CRPPA: variants seen among roughly 807,000 people sequenced by gnomAD.
The protein encoded by CRPPA is D-ribitol-5-phosphate cytidylyltransferase.
CRPPA carries 43 observed loss-of-function variants against 52.0 expected under a neutral mutation model. The ratio of observed to expected loss-of-function variants is 0.83; its 90% CI spans 0.65 to 1.07. The LOEUF is 1.07. CRPPA is among the 50% of genes least tolerant of loss of function. The pLI is 0.00. For missense variants in CRPPA, 629 were observed against 551.7 expected (o/e 1.14, Z -1.40); for synonymous variants, 250 against 203.5 (o/e 1.23, Z -1.94).
intron 9 of CRPPA, among the ~76,000 whole-genome samples, chr7:16,168,363 A>C (rs998670727): frequency 2.6e-5 from 4 of 152,154 alleles, no homozygotes; most frequent in African/African-American, 9.7e-5. Flanking sequence ...CATATCTGGA[A>C]TCCTTTATAC....
intron 8 of CRPPA, among the ~76,000 whole-genome samples, chr7:16,246,299 T>C (rs980945687): frequency 3.9e-5 from 6 of 152,182 alleles, no homozygotes; most frequent in African/African-American, 1.4e-4. Flanking sequence ...CTAAGTTTTA[T>C]GAAATTGCAG....
chr7:16,322,768 T>G (rs66924562), intron 3 of CRPPA, among the ~76,000 whole-genome samples: 1 of 152,138 alleles, frequency 6.6e-6, no homozygotes, highest in East Asian at 1.9e-4. Context: ...ATTGGGTATA[T>G]AGTGAACAGT....
Position 16,089,067 on chromosome 7 carries a change from G to A in CRPPA, c.*2628C>T, listed in dbSNP as rs190047806. 8 of 224,746 alleles carry A rather than the reference G, an allele frequency of 3.6e-5. No homozygotes were observed. The highest frequency in any genetic ancestry group is 1.5e-4 in the African/African-American group (7 of 45,778). 13.9% of individuals were successfully genotyped at this position (224,746 alleles called of 1,614,324 possible). A position where few individuals can be genotyped will look rare whatever the true frequency, so the allele number is the denominator to read the frequency against. On this transcript the variant is annotated 3_prime_UTR_variant, in exon 10 of 10. Transcript: ENST00000407010. Reference sequence around the variant, plus strand: ...TATTCAGTCACATGATTTTGGCAAGGTAACTAAGATCCCTGAGCTCCAATT... The same window carrying A: ...TATTCAGTCACATGATTTTGGCAAGATAACTAAGATCCCTGAGCTCCAATT...
intron 3 of CRPPA, among the ~76,000 whole-genome samples, chr7:16,310,295 AAGGACACTTATCAG>A: frequency 6.6e-6 from 1 of 152,202 alleles, no homozygotes. Flanking sequence ...CAAAAGCCCT[AAGGACACTTATCAG>A]AGATCCCCCA....
chr7:16,204,384 A>G (rs984037567), intron 9 of CRPPA, among the ~76,000 whole-genome samples: 1 of 152,158 alleles, frequency 6.6e-6, no homozygotes, highest in African/African-American at 2.4e-5. Flanking sequence ...CAGACACTCA[A>G]ATACCAAGTT....
intron 3 of CRPPA, among the ~76,000 whole-genome samples, chr7:16,323,558 C>G (rs1785309692): frequency 6.6e-6 from 1 of 152,184 alleles, no homozygotes; most frequent in African/African-American, 2.4e-5. Context: ...CCTGCCAAGT[C>G]CGTTTATTGC....
chr7:16,419,313 A>C (rs147980667), intron 1 of CRPPA, among the ~76,000 whole-genome samples: 138 of 152,296 alleles, frequency 9.1e-4, no homozygotes, highest in African/African-American at 3.1e-3. Flanking sequence ...AGGACAGTGA[A>C]AGATCAGTCC....
At chr7:16,286,357 G>A (rs1451513344) in intron 5 of CRPPA, among the ~76,000 whole-genome samples, 1 of 151,504 alleles carries the variant, frequency 6.6e-6, no homozygotes, top group Non-Finnish European at 1.5e-5. Flanking sequence ...TCAGATTTTG[G>A]ACTTACCAGC....
At chr7:16,394,874 C>A (rs1005004399) in intron 2 of CRPPA, among the ~76,000 whole-genome samples, 5 of 152,186 alleles carry the variant, frequency 3.3e-5, no homozygotes, top group African/African-American at 1.2e-4. Context: ...GACTCCATCC[C>A]TTGCCTTGCC....
chr7:16,254,735 A>AAGAAAGACAGACACAC (rs1783568002), intron 8 of CRPPA, among the ~76,000 whole-genome samples: 1 of 148,118 alleles, frequency 6.8e-6, no homozygotes, highest in African/African-American at 2.5e-5. Context: ...CTTAAAGTAT[A>AAGAAAGACAGACACAC]AGAAAGAAAG....
intron 8 of CRPPA, among the ~76,000 whole-genome samples, chr7:16,225,352 C>T (rs968157119): frequency 6.6e-6 from 1 of 151,952 alleles, no homozygotes; most frequent in Non-Finnish European, 1.5e-5. Context: ...CATACTTTAA[C>T]ACTGTTGTAT....
At chr7:16,322,887 G>T (rs1785292741) in intron 3 of CRPPA, among the ~76,000 whole-genome samples, 1 of 152,130 alleles carries the variant, frequency 6.6e-6, no homozygotes, top group African/African-American at 2.4e-5. Context: ...GAGGCCTCAG[G>T]AAACTTACAA....
At chr7:16,246,006 C>A (rs1029792179) in intron 8 of CRPPA, among the ~76,000 whole-genome samples, 4 of 151,894 alleles carry the variant, frequency 2.6e-5, no homozygotes, top group Admixed American at 6.6e-5. Flanking sequence ...TAAAATAAGA[C>A]AACAACATAG....
chr7:16,276,538 T>C (rs529019965), intron 6 of CRPPA: 1 of 152,316 alleles, frequency 6.6e-6, no homozygotes, highest in East Asian at 1.9e-4. Context: ...TGAATTAAGA[T>C]TGCTTTTAAT....
intron 9 of CRPPA, among the ~76,000 whole-genome samples, chr7:16,192,982 G>T (rs576333431): frequency 6.6e-6 from 1 of 152,102 alleles, no homozygotes; most frequent in South Asian, 2.1e-4. Flanking sequence ...AAATCAGTTG[G>T]TATGAGTCAC....
rs187998164 is a variant in CRPPA, at chr7:16,089,545, G to C, written c.*2150C>G. On this transcript the variant is annotated 3_prime_UTR_variant, in exon 10 of 10. Coordinates refer to ENST00000407010, the MANE Select transcript of CRPPA (RefSeq NM_001101426.4). ...TATATGTACGTACATACATATATAT[G>C]TATATACATGTAAGTATATACATAT... The C allele has an allele frequency of 8.4e-6, 2 of 237,448 alleles. No homozygotes were observed. Among genetic ancestry groups the C allele is most frequent in the East Asian group, 1.7e-4 (2 of 11,774 alleles). 14.7% of individuals were successfully genotyped at this position (237,448 alleles called of 1,614,324 possible).
At position 16,401,471 on chromosome 7, in the gene CRPPA, A is replaced by G. The variant is rs139158306; in HGVS notation, c.534+4590T>C. 4.7e-4 allele frequency among the ~76,000 whole-genome samples: 71 copies of G among 152,358 alleles called. No homozygotes were observed. The East Asian group carries it at 0.012, about 26-fold the overall frequency. On this transcript the variant is annotated intron_variant, in intron 2 of 9. Coordinates refer to ENST00000407010, the MANE Select transcript of CRPPA (RefSeq NM_001101426.4). ...TAAGAAGTTGATCACCAACAAGAGC[A>G]TAAAATGACTAGAGGTGCTGGAGTA...
intron 3 of CRPPA, among the ~76,000 whole-genome samples, chr7:16,332,192 G>C (rs1347482366): frequency 6.6e-6 from 1 of 152,106 alleles, no homozygotes; most frequent in Non-Finnish European, 1.5e-5. Flanking sequence ...TACCTACCTA[G>C]AATTCTATCT....
intron 9 of CRPPA, among the ~76,000 whole-genome samples, chr7:16,095,573 G>C (rs1781920320): frequency 1.3e-5 from 2 of 152,116 alleles, no homozygotes; most frequent in South Asian, 2.1e-4. Flanking sequence ...ACTTATGTGA[G>C]AATATTTTTT....
Sources: gnomAD v4.1 joint callset for allele counts (sites outside exome capture counted in the v4.1 genomes callset) on GRCh38, gnomAD v4.1.1 for gene constraint, MANE v1.5 for transcripts, NCBI Gene and HGNC (gene_info 2026-07-23, HGNC 2026-07-21) for gene names.